ZYG11A: variants seen among roughly 807,000 people sequenced by gnomAD.
The protein encoded by ZYG11A is protein zyg-11 homolog A.
Under a neutral mutation model 77.2 loss-of-function variants are expected in ZYG11A, and 62 were observed. The observed-to-expected ratio is 0.80, with a 90% confidence interval of 0.65 to 0.99. The LOEUF (loss-of-function observed/expected upper bound fraction) is 0.99. Ranked by LOEUF, ZYG11A falls within the 50% of genes least tolerant of loss-of-function variation. The probability of loss-of-function intolerance (pLI) is 0.00; values close to 1 mark genes in which losing one functional copy is unlikely to be tolerated. For missense variants in ZYG11A, 828 were observed against 896.8 expected, an observed-to-expected ratio of 0.92 and a Z score of 0.98; for synonymous variants, 315 against 324.6, an observed-to-expected ratio of 0.97 and a Z score of 0.32.
At chr1:52,890,569 A>C (rs913813929) in intron 13 of ZYG11A, among the ~76,000 whole-genome samples, 8 of 150,898 alleles carry the variant, frequency 5.3e-5, no homozygotes, top group Non-Finnish European at 1.0e-4. Context: ...GTTGGGGTCT[A>C]CTGTCAGCCT....
intron 1 of ZYG11A, among the ~76,000 whole-genome samples, chr1:52,846,282 C>A (rs1645575386): frequency 7.7e-6 from 1 of 129,200 alleles, no homozygotes; most frequent in African/African-American, 2.9e-5. Flanking sequence ...GTTTTTAGTT[C>A]TTTTGGAAAT....
At chr1:52,878,101 C>A in intron 10 of ZYG11A, 132 bp downstream of exon 10, 2 of 746,066 alleles carry the variant, frequency 2.7e-6, no homozygotes, top group Non-Finnish European at 2.2e-6. Context: ...TTACATTAGC[C>A]CTACAGAGTA....
Position 52,857,570 on chromosome 1 carries a change from T to C in ZYG11A, c.829T>C (p.Leu277=). Reference sequence around the variant, plus strand: ...ACTCAAATCAGACCTAGCTTTTCATTTGCTACAGCAGAAGGATATCCTGCC... The same window carrying C: ...ACTCAAATCAGACCTAGCTTTTCATCTGCTACAGCAGAAGGATATCCTGCC... The part of the protein sequence containing the change: ...RQLKSDLAFH[L]LQQKDILPNV... Residue 277 remains leucine (L), a synonymous_variant, in exon 3 of 14, where the codon TTG becomes CTG. Coordinates refer to ENST00000371528, the MANE Select transcript of ZYG11A (RefSeq NM_001004339.3). The C allele has an allele frequency of 3.9e-6, 6 of 1,552,004 alleles. No individual in the cohort carries two copies. Among genetic ancestry groups the C allele is most frequent in the Non-Finnish European group, 5.2e-6 (6 of 1,147,062 alleles).
intron 8 of ZYG11A, among the ~76,000 whole-genome samples, chr1:52,876,882 T>C (rs1646270722): frequency 6.6e-6 from 1 of 152,220 alleles, no homozygotes. Flanking sequence ...TTTGTCTTTT[T>C]CCTCTCACAT....
chr1:52,862,020 C>T (rs1488505473), intron 4 of ZYG11A, among the ~76,000 whole-genome samples: 1 of 151,922 alleles, frequency 6.6e-6, no homozygotes. Context: ...AACAGCCTGG[C>T]CAACATGGTA....
intron 1 of ZYG11A, among the ~76,000 whole-genome samples, chr1:52,843,854 T>A (rs928113039): frequency 2.0e-5 from 3 of 151,874 alleles, no homozygotes; most frequent in Admixed American, 6.6e-5. Context: ...GCCCGACTCA[T>A]TTTTTGTATT....
chr1:52,866,964 T>C (rs989407920), intron 6 of ZYG11A, among the ~76,000 whole-genome samples: 1 of 152,200 alleles, frequency 6.6e-6, no homozygotes, highest in Non-Finnish European at 1.5e-5. Flanking sequence ...TAATTATTAT[T>C]TTATTAGTAA....
chr1:52,850,147 T>A (rs1328340252), intron 1 of ZYG11A, among the ~76,000 whole-genome samples: 1 of 152,078 alleles, frequency 6.6e-6, no homozygotes, highest in Non-Finnish European at 1.5e-5. Context: ...AGTTCTGATC[T>A]GCTGATAATC....
In ZYG11A at chr1:52,860,829, A is replaced by G; in HGVS notation, c.1107A>G (p.Thr369=). Residue 369 remains threonine (T), a synonymous_variant, in exon 4 of 14, where the codon ACA becomes ACG. Transcript: ENST00000371528. ...AGGAAGCCCTCCACAGGCTGTTCAC[A>G]GAGACATTTTCAATGGAGGTAACCA... is the stretch of plus-strand genomic sequence containing the variant. The part of the protein sequence containing the change: ...FVKEALHRLF[T]ETFSMEVTMP... 1 of 1,551,746 alleles carries G rather than the reference A, an allele frequency of 6.4e-7. No homozygotes were observed. The highest frequency in any genetic ancestry group is 1.4e-5 in the African/African-American group (1 of 73,178).
chr1:52,859,304 T>A (rs992709279), intron 3 of ZYG11A, among the ~76,000 whole-genome samples: 2 of 151,760 alleles, frequency 1.3e-5, no homozygotes, highest in East Asian at 3.9e-4. Flanking sequence ...AAATCGGGTG[T>A]CCGTATATGT....
chr1:52,866,812 T>C (rs1329886596), intron 6 of ZYG11A, among the ~76,000 whole-genome samples: 3 of 152,224 alleles, frequency 2.0e-5, no homozygotes, highest in Non-Finnish European at 4.4e-5. Context: ...CCTTCCATTA[T>C]CTTTGCTTAT....
intron 3 of ZYG11A, 42 bp downstream of exon 3, chr1:52,857,791 A>C: frequency 6.8e-7 from 1 of 1,476,796 alleles, no homozygotes; most frequent in Non-Finnish European, 9.0e-7. Flanking sequence ...TTTGTTTAGA[A>C]CATTATTAAA....
intron 8 of ZYG11A, among the ~76,000 whole-genome samples, 168 bp from the exon 9 acceptor site, chr1:52,877,511 TAAG>T (rs567670671): frequency 1.1e-3 from 169 of 152,264 alleles, no homozygotes; most frequent in African/African-American, 3.9e-3. Context: ...ACAAAAACTG[TAAG>T]AAGTAGTTGT....
chr1:52,887,039 T>C lies in ZYG11A; in HGVS notation c.2090T>C (p.Val697Ala), dbSNP rs1448289375. The C allele has an allele frequency of 2.6e-6, 4 of 1,532,052 alleles. No individual in the cohort carries two copies. The highest frequency in any genetic ancestry group is 3.5e-6 in the Non-Finnish European group (4 of 1,132,156). The allele number at this position is 1,532,052 out of a possible 1,614,324, so 94.9% of individuals were successfully genotyped here. A position where few individuals can be genotyped will look rare whatever the true frequency, so the allele number is the denominator to read the frequency against. The change falls in exon 13 of 14, where the codon GTC becomes GCC. Residue 697 changes from valine (V) to alanine (A), a missense_variant. Coordinates refer to ENST00000371528, the MANE Select transcript of ZYG11A (RefSeq NM_001004339.3). ...QLWALWAMYHVCSKNPSKYCK... is the reference protein window; with the variant it reads ...QLWALWAMYHACSKNPSKYCK... ...TGGGCACTATGGGCTATGTATCATG[T>C]CTGCAGTAAAAATCGTATGTATTCA...
At position 52,881,557 on chromosome 1, in the gene ZYG11A, G is replaced by A. The variant is rs1382345311; in HGVS notation, c.1836G>A (p.Arg612=). 5.2e-6 allele frequency: 8 copies of A among 1,551,988 alleles called. No individual in the cohort carries two copies. Among genetic ancestry groups the A allele is most frequent in the Non-Finnish European group, 6.1e-6 (7 of 1,147,086 alleles). ...ATATCAACAGTTTACTCTGTAGCAG[G>A]GAAATGGAAGTCAGCTATTTTGCTG... is the stretch of plus-strand genomic sequence containing the variant. ...LKHINSLLCS[R]EMEVSYFAAG... is the part of the protein sequence containing the mutation. Residue 612 remains arginine, a synonymous_variant, in exon 11 of 14, where the codon AGG becomes AGA. Transcript: ENST00000371528.
intron 3 of ZYG11A, among the ~76,000 whole-genome samples, chr1:52,859,855 T>C (rs1168040015): frequency 6.6e-6 from 1 of 151,692 alleles, no homozygotes; most frequent in Non-Finnish European, 1.5e-5. Flanking sequence ...TTTTTGTACT[T>C]TTAGTAGAGA....
intron 11 of ZYG11A, among the ~76,000 whole-genome samples, chr1:52,883,770 C>T (rs2150019853): frequency 6.6e-6 from 1 of 152,092 alleles, no homozygotes; most frequent in Admixed American, 6.6e-5. Context: ...CTGTTTCCTG[C>T]AAGTTGCTTT....
At position 52,854,472 on chromosome 1, in the gene ZYG11A, C is replaced by A; in HGVS notation, c.98C>A (p.Ala33Glu). The A allele has an allele frequency of 1.3e-6, 2 of 1,533,976 alleles. No individual in the cohort carries two copies. Among genetic ancestry groups the A allele is most frequent in the South Asian group, 1.2e-5 (1 of 80,768 alleles). The change falls in exon 2 of 14, where the codon GCA (alanine) becomes GAA (glutamate). Residue 33 changes from alanine to glutamate, a missense_variant. Physicochemically the swap from Ala to Glu is moderately radical, Grantham distance 107. Coordinates refer to ENST00000371528, the MANE Select transcript of ZYG11A (RefSeq NM_001004339.3). ...TGGGGTTTTGTTTGCTAGGAAGAGG[C>A]ATCTCCCTACACTTTGGTCAACATC... is the stretch of plus-strand genomic sequence containing the variant. ...ALGCCVVQEE[A>E]SPYTLVNICL...
intron 8 of ZYG11A, among the ~76,000 whole-genome samples, chr1:52,871,111 T>C (rs1646155114): frequency 6.6e-6 from 1 of 152,180 alleles, no homozygotes; most frequent in Non-Finnish European, 1.5e-5. Flanking sequence ...TTTCCCTCCA[T>C]CATGAAGTAT....
Sources: allele counts gnomAD v4.1 joint callset (sites outside exome capture counted in the v4.1 genomes callset), GRCh38; gene constraint gnomAD v4.1.1; transcripts MANE v1.5; gene names NCBI Gene and HGNC (gene_info 2026-07-23, HGNC 2026-07-21).